LARS2: variants seen among roughly 807,000 people sequenced by gnomAD.
LARS2 encodes the protein leucine--tRNA ligase, mitochondrial.
Under a neutral mutation model 116.6 loss-of-function variants are expected in LARS2, and 81 were observed. The observed-to-expected ratio is 0.69, with a 90% CI of 0.58 to 0.84. The LOEUF (loss-of-function observed/expected upper bound fraction) is 0.84. Among genes scored for constraint, LARS2 ranks in the 40% least tolerant of loss-of-function variants. LARS2 has a pLI of 0.00. For missense variants in LARS2, 968 were observed against 1,114.5 expected (o/e 0.87, Z 1.87); for synonymous variants, 396 against 407.2 (o/e 0.97, Z 0.33).
At chr3:45,479,099 A>C (rs925272717) in intron 10 of LARS2, among the ~76,000 whole-genome samples, 4 of 151,982 alleles carry the variant, frequency 2.6e-5, no homozygotes, top group Non-Finnish European at 4.4e-5. Flanking sequence ...CAGGAGTTTC[A>C]ATTCTCAAAC....
At chr3:45,484,649 T>TATATATATA (rs36044906) in intron 10 of LARS2, among the ~76,000 whole-genome samples, 12 of 37,476 alleles carry the variant, frequency 3.2e-4, no homozygotes, top group South Asian at 1.4e-3. Flanking sequence ...ATATATATAT[T>TATATATATA]TAAAATAAGA....
In LARS2 at chr3:45,468,700, G is replaced by A. The variant is rs562471758; in HGVS notation, c.751-5543G>A. Among the ~76,000 whole-genome samples, 5 of 152,308 alleles carry A rather than the reference G, an allele frequency of 3.3e-5. No homozygotes were observed. In the South Asian group the frequency reaches 1.0e-3, roughly 32 times the overall value. The stretch of plus-strand genomic sequence containing the variant: ...CTGCTGAAAAGGTGGGTCAGAGGGG[G>A]AAAGAAAAGATGGATAAGTGTAACC... On this transcript the variant is annotated intron_variant, in intron 8 of 21. Transcript: ENST00000645846.
intron 5 of LARS2, 60 bp from the exon 6 acceptor site, chr3:45,419,609 A>T (rs1285225268): frequency 3.7e-6 from 3 of 805,424 alleles, no homozygotes; most frequent in Non-Finnish European, 6.0e-6. Context: ...CTCAAAGTGT[A>T]GTTGTGTATG....
chr3:45,545,478 A>G (rs903656179), intron 21 of LARS2, among the ~76,000 whole-genome samples: 4 of 152,142 alleles, frequency 2.6e-5, no homozygotes, highest in Non-Finnish European at 4.4e-5. Flanking sequence ...TTGAGTCCCA[A>G]CCTGACTTCT....
chr3:45,453,958 A>G (rs189553904), intron 7 of LARS2, among the ~76,000 whole-genome samples: 14 of 152,268 alleles, frequency 9.2e-5, no homozygotes, highest in African/African-American at 3.1e-4. Flanking sequence ...ATGCTGGCCA[A>G]GAGACAAAAG....
At chr3:45,518,936 A>G (rs185353822) in intron 18 of LARS2, among the ~76,000 whole-genome samples, 51 of 152,262 alleles carry the variant, frequency 3.3e-4, no homozygotes, top group African/African-American at 1.2e-3. Flanking sequence ...ATGTGGAGGA[A>G]CAGAGCTCCC....
rs528941877 is a variant in LARS2, at chr3:45,423,447, G to A, written c.516+3718G>A. Among the ~76,000 whole-genome samples, 5 of 152,206 alleles carry A rather than the reference G, an allele frequency of 3.3e-5. No individual in the cohort carries two copies. In the South Asian group the frequency reaches 1.0e-3, roughly 32 times the overall value. ...TGTGCCTCGGCCTCCTCAGTAGCTG[G>A]GATTACAGGCACGCACCACTACACC... is the stretch of plus-strand genomic sequence containing the variant. On this transcript the variant is annotated intron_variant, in intron 6 of 21. Transcript: ENST00000645846.
chr3:45,480,202 C>CA (rs5848745), intron 10 of LARS2, among the ~76,000 whole-genome samples: 2,841 of 150,432 alleles, frequency 0.019, 71 homozygotes, highest in African/African-American at 0.06. Context: ...CTGGAATAAA[C>CA]AAAAAAAAAC....
rs1457385238 is a variant in LARS2 at position 45,445,729 on chromosome 3, T to TAAAACAGCA, written c.517-1161_517-1153dup. 2.6e-5 allele frequency among the ~76,000 whole-genome samples: 4 copies of TAAAACAGCA among 152,308 alleles called. No homozygotes were observed. In the South Asian group the frequency reaches 8.3e-4, roughly 32 times the overall value. On this transcript the variant is annotated intron_variant, in intron 6 of 21. Transcript: ENST00000645846. ...AATAGTTATTACTCTGCTGTTTTTA[T>TAAAACAGCA]AAAACAGCACAAAAAAGGACTCAGG...
At chr3:45,492,387 A>C (rs999425970) in intron 13 of LARS2, among the ~76,000 whole-genome samples, 107 of 152,234 alleles carry the variant, frequency 7.0e-4, no homozygotes, top group Admixed American at 7.0e-3. Flanking sequence ...GATGCTGTCC[A>C]TATCAGCTAA....
At chr3:45,402,757 G>C (rs1698174022) in intron 4 of LARS2, among the ~76,000 whole-genome samples, 1 of 152,140 alleles carries the variant, frequency 6.6e-6, no homozygotes, top group Non-Finnish European at 1.5e-5. Flanking sequence ...GTTTTTGTCA[G>C]ATGTTATTTT....
intron 20 of LARS2, among the ~76,000 whole-genome samples, chr3:45,530,934 ATG>A (rs1323189715): frequency 6.6e-6 from 1 of 152,218 alleles, no homozygotes; most frequent in African/African-American, 2.4e-5. Flanking sequence ...TTCAATTGAA[ATG>A]TGGTTAAACT....
chr3:45,402,477 G>C (rs954556365), intron 4 of LARS2, among the ~76,000 whole-genome samples: 1 of 152,204 alleles, frequency 6.6e-6, no homozygotes, highest in Non-Finnish European at 1.5e-5. Flanking sequence ...TGGAACCCCA[G>C]TGGCCATTGC....
chr3:45,471,197 G>T (rs1412013803), intron 8 of LARS2, among the ~76,000 whole-genome samples: 3 of 152,142 alleles, frequency 2.0e-5, no homozygotes. Flanking sequence ...TGAAGGAAAG[G>T]TTATCAGCAG....
At chr3:45,421,849 A>G (rs1209604731) in intron 6 of LARS2, 2 of 152,252 alleles carry the variant, frequency 1.3e-5, no homozygotes, top group African/African-American at 4.8e-5. Flanking sequence ...GTTGGGCAAA[A>G]TCATCTGACA....
intron 6 of LARS2, among the ~76,000 whole-genome samples, chr3:45,442,132 A>G (rs993914942): frequency 1.1e-4 from 17 of 152,224 alleles, no homozygotes; most frequent in Non-Finnish European, 2.5e-4. Flanking sequence ...ACAATGGTGC[A>G]TTAACGTAGG....
intron 16 of LARS2, among the ~76,000 whole-genome samples, chr3:45,515,407 A>G (rs1700357157): frequency 6.6e-6 from 1 of 152,230 alleles, no homozygotes; most frequent in Non-Finnish European, 1.5e-5. Context: ...TCTTAGCTCC[A>G]ATTTGTGAGA....
Position 45,525,465 on chromosome 3 carries a change from G to C in LARS2, c.2404+1357G>C, listed in dbSNP as rs187087426. ...AAGTGGAAAGGGCTTTGGAAATCAG[G>C]AACTAATCCTAAAACCTGGGTAAGG... On this transcript the variant is annotated intron_variant, in intron 20 of 21. Transcript: ENST00000645846. 9.2e-5 allele frequency among the ~76,000 whole-genome samples: 14 copies of C among 152,278 alleles called. No homozygotes were observed. The South Asian group carries it at 2.9e-3, about 32-fold the overall frequency.
intron 4 of LARS2, among the ~76,000 whole-genome samples, chr3:45,415,921 A>G (rs981391071): frequency 2.2e-5 from 3 of 138,352 alleles, no homozygotes; most frequent in Non-Finnish European, 4.8e-5. Flanking sequence ...AGAGAGAGAG[A>G]GAGGCTATTT....
Sources: allele counts gnomAD v4.1 joint callset (sites outside exome capture counted in the v4.1 genomes callset), GRCh38; gene constraint gnomAD v4.1.1; transcripts MANE v1.5; gene names NCBI Gene and HGNC (gene_info 2026-07-23, HGNC 2026-07-21).